Variants in MAPKAP1 observed in about 807,000 individuals in gnomAD.
MAPKAP1 encodes target of rapamycin complex 2 subunit MAPKAP1.
Under a neutral mutation model 65.7 loss-of-function variants are expected in MAPKAP1, and 20 were observed. That is an observed-to-expected ratio of 0.30 (90% CI 0.21 to 0.44). MAPKAP1 has a LOEUF of 0.44. Among genes scored for constraint, MAPKAP1 ranks in the 20% least tolerant of loss-of-function variants. The pLI, the probability that MAPKAP1 is intolerant of heterozygous loss-of-function variation, is 1.00. For missense variants in MAPKAP1, 423 were observed against 648.0 expected, an observed-to-expected ratio of 0.65 and a Z score of 3.77; for synonymous variants, 222 against 244.3, an observed-to-expected ratio of 0.91 and a Z score of 0.85.
Position 125,698,175 on chromosome 9 carries a change from G to GTA in MAPKAP1, c.-70+8794_-70+8795dup, listed in dbSNP as rs1193827401. On this transcript the variant is annotated intron_variant, in intron 1 of 11. Coordinates refer to ENST00000265960, the MANE Select transcript of MAPKAP1 (RefSeq NM_001006617.3). ...CTCTCTCTATACGTATATACAAAAA[G>GTA]TATATATATATACACACACATATGT... Among the ~76,000 whole-genome samples the GTA allele has an allele frequency of 1.7e-3, 242 of 144,778 alleles. 1 individual carries two copies. Among genetic ancestry groups the GTA allele is most frequent in the African/African-American group, 5.9e-3 (232 of 39,358 alleles). 95.0% of individuals were successfully genotyped at this position (144,778 alleles called of 152,430 possible).
At chr9:125,465,652 C>T (rs1037767759) in intron 10 of MAPKAP1, among the ~76,000 whole-genome samples, 1 of 152,214 alleles carries the variant, frequency 6.6e-6, no homozygotes, top group Non-Finnish European at 1.5e-5. Context: ...GACAACTCTG[C>T]AGGCTCCGTG....
intron 7 of MAPKAP1, among the ~76,000 whole-genome samples, chr9:125,538,729 A>G (rs1830146840): frequency 6.6e-6 from 1 of 152,178 alleles, no homozygotes; most frequent in African/African-American, 2.4e-5. Flanking sequence ...AACACCCTAT[A>G]GGATGCAGAG....
intron 10 of MAPKAP1, among the ~76,000 whole-genome samples, chr9:125,448,534 G>A (rs559703428): frequency 1.3e-5 from 2 of 152,262 alleles, no homozygotes; most frequent in East Asian, 1.9e-4. Context: ...GGAAGAGGGG[G>A]CCAATGACCT....
intron 10 of MAPKAP1, among the ~76,000 whole-genome samples, chr9:125,459,807 A>G (rs1853398961): frequency 6.6e-6 from 1 of 150,844 alleles, no homozygotes; most frequent in Non-Finnish European, 1.5e-5. Flanking sequence ...AGACCGTGGA[A>G]AGAGAGGGAG....
chr9:125,637,832 G>A (rs894059570), intron 4 of MAPKAP1, among the ~76,000 whole-genome samples: 3 of 152,194 alleles, frequency 2.0e-5, no homozygotes, highest in Non-Finnish European at 4.4e-5. Flanking sequence ...GAGTGCAGTG[G>A]CGCAGTCTCA....
At chr9:125,518,550 G>A (rs967921769) in intron 7 of MAPKAP1, among the ~76,000 whole-genome samples, 4 of 152,092 alleles carry the variant, frequency 2.6e-5, no homozygotes, top group Admixed American at 2.6e-4. Context: ...TGGAGCTGTA[G>A]TGTCAGCTAC....
At chr9:125,466,972 A>G (rs1853704516) in intron 10 of MAPKAP1, among the ~76,000 whole-genome samples, 1 of 152,150 alleles carries the variant, frequency 6.6e-6, no homozygotes, top group Non-Finnish European at 1.5e-5. Context: ...TGGCCTTTAC[A>G]TTTCTTATTG....
intron 1 of MAPKAP1, among the ~76,000 whole-genome samples, chr9:125,674,930 T>C (rs1300926556): frequency 4.6e-5 from 7 of 152,168 alleles, no homozygotes; most frequent in Non-Finnish European, 4.4e-5. Context: ...GTCCCTGAAG[T>C]ATTAGTGTCA....
intron 4 of MAPKAP1, among the ~76,000 whole-genome samples, chr9:125,622,118 G>C (rs936724961): frequency 6.6e-6 from 1 of 152,154 alleles, no homozygotes; most frequent in African/African-American, 2.4e-5. Flanking sequence ...AGAATTGTGG[G>C]TATTGGAGGC....
At chr9:125,532,279 T>C (rs1404068704) in intron 7 of MAPKAP1, among the ~76,000 whole-genome samples, 5 of 152,240 alleles carry the variant, frequency 3.3e-5, no homozygotes, top group Non-Finnish European at 7.3e-5. Flanking sequence ...TCACAAGGTC[T>C]TTTGTAAAGG....
At chr9:125,489,058 T>C (rs941587218) in intron 8 of MAPKAP1, among the ~76,000 whole-genome samples, 2 of 152,336 alleles carry the variant, frequency 1.3e-5, no homozygotes, top group African/African-American at 4.8e-5. Context: ...ACCATCTGCA[T>C]ATTAAAATTA....
intron 5 of MAPKAP1, among the ~76,000 whole-genome samples, chr9:125,569,018 G>T (rs1831148078): frequency 6.6e-6 from 1 of 152,222 alleles, no homozygotes; most frequent in African/African-American, 2.4e-5. Flanking sequence ...CTATGAATTA[G>T]TCGTTCTGTG....
chr9:125,466,047 G>A (rs1475711801), intron 10 of MAPKAP1, among the ~76,000 whole-genome samples: 1 of 152,162 alleles, frequency 6.6e-6, no homozygotes, highest in Non-Finnish European at 1.5e-5. Flanking sequence ...GTCTGCAAAG[G>A]CTATGCTGGT....
At chr9:125,586,836 C>T (rs1831802404) in intron 4 of MAPKAP1, among the ~76,000 whole-genome samples, 1 of 152,178 alleles carries the variant, frequency 6.6e-6, no homozygotes. Context: ...GTCCCTCACT[C>T]CCTCCTATCC....
At chr9:125,451,182 G>C (rs1488299214) in intron 10 of MAPKAP1, 1 of 151,948 alleles carries the variant, frequency 6.6e-6, no homozygotes, top group Non-Finnish European at 1.5e-5. Context: ...CTCATGTATC[G>C]AAAACATTCT....
chr9:125,653,638 C>T (rs1329196139), intron 4 of MAPKAP1, among the ~76,000 whole-genome samples: 2 of 152,146 alleles, frequency 1.3e-5, no homozygotes, highest in Non-Finnish European at 2.9e-5. Context: ...GGTAGTGTGT[C>T]CTGAACCCCA....
chr9:125,462,129 T>C (rs1853519877), intron 10 of MAPKAP1, among the ~76,000 whole-genome samples: 3 of 152,200 alleles, frequency 2.0e-5, no homozygotes, highest in African/African-American at 4.8e-5. Flanking sequence ...AGAGCGCACA[T>C]GCGTGTGTTC....
At chr9:125,695,009 T>C (rs1167254948) in intron 1 of MAPKAP1, among the ~76,000 whole-genome samples, 1 of 152,258 alleles carries the variant, frequency 6.6e-6, no homozygotes, top group Admixed American at 6.5e-5. Flanking sequence ...TAAGTTTTTG[T>C]ATTTTGAATT....
intron 4 of MAPKAP1, chr9:125,596,402 A>G: frequency 1.2e-6 from 1 of 817,062 alleles, no homozygotes; most frequent in Non-Finnish European, 2.1e-6. Flanking sequence ...GCTATAATGG[A>G]TTTGGTACTG....
Sources: allele counts gnomAD v4.1 joint callset (sites outside exome capture counted in the v4.1 genomes callset), GRCh38; gene constraint gnomAD v4.1.1; transcripts MANE v1.5; gene names NCBI Gene and HGNC (gene_info 2026-07-23, HGNC 2026-07-21).